The following ENTPD1 variants were observed in gnomAD, a reference collection of about 807,000 sequenced individuals.
The protein encoded by ENTPD1 is ectonucleoside triphosphate diphosphohydrolase 1, also known as ATP diphosphohydrolase.
Under a neutral mutation model 57.0 loss-of-function variants are expected in ENTPD1, and 33 were observed. The observed-to-expected ratio is 0.58, with a 90% CI of 0.44 to 0.77. The LOEUF (loss-of-function observed/expected upper bound fraction) is 0.77, where lower values mean the gene tolerates loss of function less well. Among genes scored for constraint, ENTPD1 ranks in the 30% least tolerant of loss-of-function variants. The pLI, the probability that ENTPD1 is intolerant of heterozygous loss-of-function variation, is 0.00. For synonymous variants in ENTPD1, 202 were observed against 218.8 expected, an observed-to-expected ratio of 0.92 and a Z score of 0.68; for missense variants, 501 against 603.4, an observed-to-expected ratio of 0.83 and a Z score of 1.78.
chr10:95,723,366 G>C (rs1331745554), intron 1 of ENTPD1, among the ~76,000 whole-genome samples: 1 of 151,746 alleles, frequency 6.6e-6, no homozygotes, highest in East Asian at 1.9e-4. Flanking sequence ...CAAACTTGGG[G>C]CCCTGGCAAG....
chr10:95,820,546 G>T (rs1005903901), intron 1 of ENTPD1, among the ~76,000 whole-genome samples: 1 of 152,150 alleles, frequency 6.6e-6, no homozygotes, highest in Non-Finnish European at 1.5e-5. Flanking sequence ...CCCACCTCTG[G>T]GTTCTTGCAG....
upstream of ENTPD1, chr10:95,755,204 C>T (rs1414379968): frequency 6.5e-6 from 1 of 153,614 alleles, no homozygotes; most frequent in Non-Finnish European, 1.5e-5. Flanking sequence ...ATAAGAGAGA[C>T]CATGTATGTG....
chr10:95,860,470 C>T lies in ENTPD1; in HGVS notation c.1076C>T (p.Ala359Val). 1 of 1,612,272 alleles carries T rather than the reference C, an allele frequency of 6.2e-7. No individual in the cohort carries two copies. Among genetic ancestry groups the T allele is most frequent in the Non-Finnish European group, 8.5e-7 (1 of 1,178,818 alleles). Residue 359 changes from alanine to valine, a missense_variant and splice_region_variant, in exon 8 of 10, where the codon GCA (alanine) becomes GTA (valine). Ala to Val is a moderately conservative substitution (Grantham distance 64). Coordinates refer to ENST00000371205, the MANE Select transcript of ENTPD1 (RefSeq NM_001776.6). ...FLPPLQGDFG[A>V]FSAFYFVMKF... The stretch of plus-strand genomic sequence containing the variant: ...TAAAACTGCGATTTTCTCTTGTAGG[C>T]ATTTTCAGCTTTTTACTTTGTGATG...
intron 2 of ENTPD1, among the ~76,000 whole-genome samples, chr10:95,830,732 G>C (rs908333135): frequency 6.6e-6 from 1 of 152,124 alleles, no homozygotes; most frequent in African/African-American, 2.4e-5. Flanking sequence ...GAACCCAGGA[G>C]GCAGAGGTTG....
chr10:95,873,828 TC>T lies in ENTPD1; in HGVS notation c.*7446del. ...AATCAGGTGGGAGGCAAAAGGTACT[TC>T]TTACGTGGTGGCATCAAGAGCAAAA... On this transcript the variant is annotated 3_prime_UTR_variant, in exon 10 of 10. Transcript: ENST00000371205. 2.7e-5 allele frequency: 12 copies of T among 448,762 alleles called. No individual in the cohort carries two copies. The highest frequency in any genetic ancestry group is 3.5e-5 in the Non-Finnish European group (12 of 339,110). 27.8% of individuals were successfully genotyped at this position (448,762 alleles called of 1,614,324 possible). A position where few individuals can be genotyped will look rare whatever the true frequency, so the allele number is the denominator to read the frequency against.
intron 1 of ENTPD1, among the ~76,000 whole-genome samples, chr10:95,792,864 A>T (rs918872684): frequency 6.6e-6 from 1 of 152,206 alleles, no homozygotes; most frequent in Non-Finnish European, 1.5e-5. Flanking sequence ...TGTGCTCTGC[A>T]TTCATCTGAA....
chr10:95,820,388 C>T (rs1253468280), intron 1 of ENTPD1, among the ~76,000 whole-genome samples: 1 of 152,158 alleles, frequency 6.6e-6, no homozygotes, highest in Non-Finnish European at 1.5e-5. Context: ...GGATGAAAGG[C>T]TTGCATATAT....
chr10:95,758,371 G>A (rs1214253637), intron 1 of ENTPD1, among the ~76,000 whole-genome samples: 1 of 152,194 alleles, frequency 6.6e-6, no homozygotes, highest in Non-Finnish European at 1.5e-5. Flanking sequence ...CTGAATGAGG[G>A]ATTCATGCAA....
intron 1 of ENTPD1, among the ~76,000 whole-genome samples, chr10:95,788,716 C>T (rs2140246291): frequency 6.6e-6 from 1 of 151,972 alleles, no homozygotes; most frequent in East Asian, 1.9e-4. Flanking sequence ...ATGAGAAAAG[C>T]GAAAAGCAGT....
chr10:95,779,120 T>A (rs534229103), intron 1 of ENTPD1, among the ~76,000 whole-genome samples: 2 of 152,322 alleles, frequency 1.3e-5, no homozygotes, highest in South Asian at 4.1e-4. Context: ...TAGACAACTT[T>A]GTTAGAATTT....
chr10:95,696,225 A>C, the ENTPD1 span, among the ~76,000 whole-genome samples: 2 of 152,172 alleles, frequency 1.3e-5, no homozygotes, highest in African/African-American at 4.8e-5. Flanking sequence ...ATAGTTAAGC[A>C]AAAAGATTAT....
At position 95,756,171 on chromosome 10, in the gene ENTPD1, G is replaced by T; in HGVS notation, c.-69G>T. On this transcript the variant is annotated 5_prime_UTR_variant, in exon 1 of 10. Transcript: ENST00000371205. ...CCTTGAGGACCTCTCTCACGGAGACGGACCACAGCAAGCAGAGGCTGGGGG... is the reference window on the plus strand; with the variant it reads ...CCTTGAGGACCTCTCTCACGGAGACTGACCACAGCAAGCAGAGGCTGGGGG... 6.4e-7 allele frequency: 1 copy of T among 1,565,948 alleles called. No individual in the cohort carries two copies. The highest frequency in any genetic ancestry group is 8.7e-7 in the Non-Finnish European group (1 of 1,154,904).
intron 1 of ENTPD1, among the ~76,000 whole-genome samples, chr10:95,760,852 C>A (rs374138296): frequency 1.7e-4 from 8 of 48,402 alleles, no homozygotes; most frequent in Non-Finnish European, 2.8e-4. Context: ...TTTTTTGAGA[C>A]GGAGTCTCGC....
At chr10:95,703,998 G>T in the ENTPD1 span, among the ~76,000 whole-genome samples, 2 of 151,722 alleles carry the variant, frequency 1.3e-5, no homozygotes, top group Non-Finnish European at 2.9e-5. Flanking sequence ...GGCTGAGGCA[G>T]GGGAATTGCT....
intron 1 of ENTPD1, among the ~76,000 whole-genome samples, chr10:95,799,247 T>G (rs1167934331): frequency 2.6e-5 from 4 of 152,268 alleles, no homozygotes; most frequent in East Asian, 1.9e-4. Context: ...CACCCAGGTA[T>G]TAAGCCTAGC....
chr10:95,756,616 C>T (rs556934166), intron 1 of ENTPD1: 96 of 236,084 alleles, frequency 4.1e-4, no homozygotes, highest in African/African-American at 1.9e-3. Context: ...CGGGTCTGTA[C>T]CTCAGGGTGT....
chr10:95,694,895 ATTTTTTTTTTTT>A, the ENTPD1 span, among the ~76,000 whole-genome samples: 4 of 98,744 alleles, frequency 4.1e-5, no homozygotes, highest in Non-Finnish European at 7.8e-5. Flanking sequence ...TGAGGAGCTG[ATTTTTTTTTTTT>A]TTTTTTTTTT....
chr10:95,719,577 G>A (rs1455503723), intron 1 of ENTPD1, among the ~76,000 whole-genome samples: 2 of 152,188 alleles, frequency 1.3e-5, no homozygotes, highest in African/African-American at 2.4e-5. Context: ...TTAGCCCTAC[G>A]TATTTAACCT....
intron 1 of ENTPD1, among the ~76,000 whole-genome samples, chr10:95,743,310 T>C (rs2098002390): frequency 6.6e-6 from 1 of 152,212 alleles, no homozygotes. Context: ...ATACCAAGGA[T>C]ATGTGTTATC....
Sources: gnomAD v4.1 joint callset for allele counts (sites outside exome capture counted in the v4.1 genomes callset) on GRCh38, gnomAD v4.1.1 for gene constraint, MANE v1.5 for transcripts, NCBI Gene and HGNC (gene_info 2026-07-23, HGNC 2026-07-21) for gene names.